The following ITGA1 variants were observed in gnomAD, a reference collection of about 807,000 sequenced individuals.
ITGA1 encodes integrin subunit alpha 1.
Under a neutral mutation model 145.9 loss-of-function variants are expected in ITGA1, and 85 were observed. That is an observed-to-expected ratio of 0.58 (90% CI 0.49 to 0.70). The LOEUF (loss-of-function observed/expected upper bound fraction) is 0.70, where lower values mean the gene tolerates loss of function less well. Among genes scored for constraint, ITGA1 ranks in the 30% least tolerant of loss-of-function variants. The pLI is 0.00. For synonymous variants in ITGA1, 520 were observed against 495.3 expected, an observed-to-expected ratio of 1.05 and a Z score of -0.66; for missense variants, 1,351 against 1,418.7, an observed-to-expected ratio of 0.95 and a Z score of 0.77.
intron 1 of ITGA1, among the ~76,000 whole-genome samples, chr5:52,814,299 C>G (rs1827121): frequency 6.6e-6 from 1 of 151,828 alleles, no homozygotes; most frequent in Non-Finnish European, 1.5e-5. Flanking sequence ...GGCATGCAAC[C>G]CCTCACCCAG....
rs892945439 is a variant in ITGA1, at chr5:52,955,339, C to T, written c.*2888C>T. On this transcript the variant is annotated 3_prime_UTR_variant, in exon 29 of 29. Transcript: ENST00000282588. ...CAGCACACCACTGAGACAGATTACA[C>T]GATAGACAGATAGATAGATAGATAG... The T allele has an allele frequency of 2.3e-5, 3 of 133,176 alleles. No individual in the cohort carries two copies. Among genetic ancestry groups the T allele is most frequent in the Non-Finnish European group, 3.2e-5 (2 of 62,376 alleles). The allele number at this position is 133,176 out of a possible 1,614,324, so 8.2% of individuals were successfully genotyped here.
In ITGA1 at chr5:52,958,437, G is replaced by A. The variant is rs1456969840; in HGVS notation, c.*5986G>A. 6.6e-6 allele frequency: 1 copy of A among 151,382 alleles called. No individual in the cohort carries two copies. Among genetic ancestry groups the A allele is most frequent in the Non-Finnish European group, 1.5e-5 (1 of 67,776 alleles). 9.4% of individuals were successfully genotyped at this position (151,382 alleles called of 1,614,324 possible). On this transcript the variant is annotated 3_prime_UTR_variant, in exon 29 of 29. Transcript: ENST00000282588. ...GTAGATTAACCAAGGCTAATTTCCT[G>A]GAGTTTAATACACTTTGGATTCAAG...
chr5:52,870,322 A>G (rs1009374979), intron 6 of ITGA1, among the ~76,000 whole-genome samples: 6 of 152,226 alleles, frequency 3.9e-5, no homozygotes, highest in African/African-American at 1.4e-4. Flanking sequence ...TGAAAGGAAC[A>G]GATGTAAAAA....
rs1169746054 is a variant in ITGA1 at position 52,881,889 on chromosome 5, A to G, written c.641A>G (p.Tyr214Cys). The G allele has an allele frequency of 6.2e-7, 1 of 1,613,268 alleles. No homozygotes were observed. Among genetic ancestry groups the G allele is most frequent in the Non-Finnish European group, 8.5e-7 (1 of 1,179,712 alleles). The change falls in exon 7 of 29, where the codon TAT becomes TGT. Residue 214 changes from tyrosine (Y) to cysteine (C), a missense_variant. Coordinates refer to ENST00000282588, the MANE Select transcript of ITGA1 (RefSeq NM_181501.2). ...PKQTQVGIVQ[Y>C]GENVTHEFNL... is the part of the protein sequence containing the mutation. Reference sequence around the variant, plus strand: ...GTATTTCAGGTTGGAATTGTACAGTATGGAGAAAACGTGACCCATGAGTTC... The same window carrying G: ...GTATTTCAGGTTGGAATTGTACAGTGTGGAGAAAACGTGACCCATGAGTTC...
At chr5:52,891,233 G>T (rs1750142182) in intron 8 of ITGA1, among the ~76,000 whole-genome samples, 1 of 149,100 alleles carries the variant, frequency 6.7e-6, no homozygotes. Flanking sequence ...CCTTTCTTTG[G>T]GATATATACC....
At chr5:52,839,939 C>T (rs959434516) in intron 1 of ITGA1, among the ~76,000 whole-genome samples, 1 of 152,114 alleles carries the variant, frequency 6.6e-6, no homozygotes, top group Non-Finnish European at 1.5e-5. Flanking sequence ...AGCTCACATC[C>T]AAGTCATCCA....
intron 1 of ITGA1, among the ~76,000 whole-genome samples, chr5:52,806,076 G>T (rs1748583608): frequency 6.6e-6 from 1 of 151,942 alleles, no homozygotes; most frequent in Admixed American, 6.6e-5. Context: ...TCTTCCAATG[G>T]ATGTCAGCAT....
intron 22 of ITGA1, 38 bp from the exon 23 acceptor site, chr5:52,933,854 CTT>C: frequency 1.9e-6 from 2 of 1,033,072 alleles, no homozygotes; most frequent in Admixed American, 5.2e-5. Context: ...AAAAGTTAAA[CTT>C]TGTTATGTTT....
intron 1 of ITGA1, among the ~76,000 whole-genome samples, chr5:52,846,383 A>G (rs1157741024): frequency 2.0e-5 from 3 of 152,224 alleles, no homozygotes; most frequent in African/African-American, 4.8e-5. Context: ...AGCCTGCACA[A>G]CAGAGTGAGG....
intron 1 of ITGA1, among the ~76,000 whole-genome samples, chr5:52,809,470 GAT>G (rs1748649311): frequency 1.3e-5 from 2 of 151,100 alleles, no homozygotes; most frequent in Non-Finnish European, 2.9e-5. Context: ...AGGGACCTGA[GAT>G]TATTCCTCTT....
At chr5:52,804,859 A>G (rs1298461880) in intron 1 of ITGA1, among the ~76,000 whole-genome samples, 1 of 152,162 alleles carries the variant, frequency 6.6e-6, no homozygotes, top group Non-Finnish European at 1.5e-5. Context: ...GAGTTTCTAA[A>G]GTGATTTTAA....
chr5:52,890,252 A>G (rs943530548), intron 8 of ITGA1, among the ~76,000 whole-genome samples: 2 of 152,206 alleles, frequency 1.3e-5, no homozygotes, highest in African/African-American at 4.8e-5. Context: ...GCACCCATAC[A>G]TATCCAAAAA....
chr5:52,802,010 A>T (rs1486256001), intron 1 of ITGA1: 1 of 556,264 alleles, frequency 1.8e-6, no homozygotes, highest in African/African-American at 1.9e-5. Flanking sequence ...CATGTATTTA[A>T]ACAATAAACT....
chr5:52,801,417 C>G, intron 1 of ITGA1: 1 of 1,611,102 alleles, frequency 6.2e-7, no homozygotes, highest in African/African-American at 1.3e-5. Context: ...AGGTACATGC[C>G]TCCTCCGGAC....
chr5:52,885,844 T>C (rs1008747388), intron 7 of ITGA1, among the ~76,000 whole-genome samples: 1 of 152,232 alleles, frequency 6.6e-6, no homozygotes, highest in Non-Finnish European at 1.5e-5. Flanking sequence ...TAGAAGTTAG[T>C]TGCAGTTTCT....
At position 52,822,965 on chromosome 5, in the gene ITGA1, G is replaced by A. The variant is rs938567324; in HGVS notation, c.62-26400G>A. Reference sequence around the variant, plus strand: ...GAGGACACTGTCTCATTAGATGGTCGAATAGGGACTTTTCCAGCTATAGCC... The same window carrying A: ...GAGGACACTGTCTCATTAGATGGTCAAATAGGGACTTTTCCAGCTATAGCC... On this transcript the variant is annotated intron_variant, in intron 1 of 28. Transcript: ENST00000282588. Among the ~76,000 whole-genome samples the A allele has an allele frequency of 3.3e-5, 5 of 152,090 alleles. 1 individual carries two copies. The highest frequency in any genetic ancestry group is 3.9e-4 in the East Asian group (2 of 5,176).
At chr5:52,847,921 CA>C (rs766066014) in intron 1 of ITGA1, among the ~76,000 whole-genome samples, 93 of 152,270 alleles carry the variant, frequency 6.1e-4, no homozygotes, top group Non-Finnish European at 1.1e-3. Context: ...AAACCAGTAC[CA>C]AAGCAGGAAT....
At chr5:52,935,087 G>T (rs899839303) in intron 23 of ITGA1, among the ~76,000 whole-genome samples, 2 of 151,786 alleles carry the variant, frequency 1.3e-5, no homozygotes, top group Admixed American at 6.6e-5. Flanking sequence ...AACTTATTAG[G>T]GTCCAGATTT....
intron 15 of ITGA1, among the ~76,000 whole-genome samples, chr5:52,915,857 G>A (rs572605192): frequency 3.9e-4 from 60 of 152,220 alleles, no homozygotes; most frequent in South Asian, 1.0e-3. Flanking sequence ...TTTTAGGAGA[G>A]GTATAGGGGA....
Sources: allele counts gnomAD v4.1 joint callset (sites outside exome capture counted in the v4.1 genomes callset), GRCh38; gene constraint gnomAD v4.1.1; transcripts MANE v1.5; gene names NCBI Gene and HGNC (gene_info 2026-07-23, HGNC 2026-07-21).